ADGRL3: variants seen among roughly 807,000 people sequenced by gnomAD.
ADGRL3 encodes adhesion G protein-coupled receptor L3, also known as calcium-independent alpha-latrotoxin receptor 3.
ADGRL3 carries 62 observed loss-of-function variants against 153.5 expected under a neutral mutation model. That is an observed-to-expected ratio of 0.40 (90% CI 0.33 to 0.50). The LOEUF is 0.50. ADGRL3 is among the 20% of genes least tolerant of loss of function. ADGRL3 has a pLI of 0.47. For synonymous variants in ADGRL3, 710 were observed against 672.5 expected (o/e 1.06, Z -0.86); for missense variants, 1,641 against 1,859.4 (o/e 0.88, Z 2.16).
intron 9 of ADGRL3, among the ~76,000 whole-genome samples, chr4:61,833,514 G>A (rs970574272): frequency 3.3e-5 from 5 of 152,106 alleles, no homozygotes; most frequent in African/African-American, 1.2e-4. Context: ...TAAAATCATA[G>A]GGAGTCAAAG....
chr4:61,760,064 G>A (rs1215559643), intron 8 of ADGRL3, among the ~76,000 whole-genome samples: 3 of 152,178 alleles, frequency 2.0e-5, no homozygotes, highest in Non-Finnish European at 4.4e-5. Context: ...AGCCGTGTGA[G>A]GTGTCAGTCT....
chr4:61,847,854 T>TTA lies in ADGRL3; in HGVS notation c.1480+33972_1480+33973dup, dbSNP rs1303819781. Among the ~76,000 whole-genome samples the TTA allele has an allele frequency of 3.3e-4, 3 of 9,142 alleles. 1 individual carries two copies. Among genetic ancestry groups the TTA allele is most frequent in the Non-Finnish European group, 8.8e-4 (3 of 3,416 alleles). The allele number at this position is 9,142 out of a possible 152,430, so 6.0% of individuals were successfully genotyped here. A position where few individuals can be genotyped will look rare whatever the true frequency, so the allele number is the denominator to read the frequency against. ...AAATATATATATAATATAAAATATA[T>TTA]TATATATAATATAAAATATATTATA... On this transcript the variant is annotated intron_variant, in intron 9 of 26. Coordinates refer to ENST00000683033, the MANE Select transcript of ADGRL3 (RefSeq NM_001387552.1).
intron 21 of ADGRL3, among the ~76,000 whole-genome samples, chr4:62,017,014 A>G (rs2151324671): frequency 6.6e-6 from 1 of 152,152 alleles, no homozygotes; most frequent in East Asian, 1.9e-4. Context: ...AGAAAATATT[A>G]CTGATTTTTG....
rs1326917764 is a variant in ADGRL3 at position 61,370,528 on chromosome 4, A to G, written c.-239-12596A>G. On this transcript the variant is annotated intron_variant, in intron 1 of 26. Coordinates refer to ENST00000683033, the MANE Select transcript of ADGRL3 (RefSeq NM_001387552.1). ...GGAGCAGGTTGTTCAGTTTCCATGT[A>G]GTTGAGTGGTTTTGAGTGAGGTTCT... 3.3e-5 allele frequency among the ~76,000 whole-genome samples: 5 copies of G among 152,164 alleles called. No homozygotes were observed. The East Asian group carries it at 7.7e-4, about 24-fold the overall frequency.
chr4:61,822,791 G>T (rs2097767623), intron 9 of ADGRL3, among the ~76,000 whole-genome samples: 1 of 152,082 alleles, frequency 6.6e-6, no homozygotes, highest in East Asian at 1.9e-4. Flanking sequence ...ATTGAGAAGG[G>T]AAAAAGAATT....
Position 62,070,823 on chromosome 4 carries a change from A to G in ADGRL3, c.4547A>G (p.Asp1516Gly). ...TACCAGCTAGGTCGCGGCAGCAGTG[A>G]TGGATTTATAGTTCCTCCAAACAAA... is the stretch of plus-strand genomic sequence containing the variant. ...TYYQLGRGSS[D>G]GFIVPPNKDG... The change falls in exon 27 of 27, where the codon GAT (aspartate) becomes GGT (glycine). Residue 1516 changes from aspartate (D) to glycine (G), a missense_variant. Around this residue, in one of 5 missense-constraint regions of ADGRL3, gnomAD observed 517 missense variants for 555.0 expected, o/e 0.93. Transcript: ENST00000683033. 1.5e-5 allele frequency: 24 copies of G among 1,551,680 alleles called. No individual in the cohort carries two copies. The highest frequency in any genetic ancestry group is 2.1e-5 in the Non-Finnish European group (24 of 1,146,974).
At chr4:61,210,824 A>G (rs1739645850) in intron 1 of ADGRL3, among the ~76,000 whole-genome samples, 1 of 152,230 alleles carries the variant, frequency 6.6e-6, no homozygotes, top group Non-Finnish European at 1.5e-5. Context: ...TGTTAACACA[A>G]GGCATGTGTG....
At chr4:61,452,074 C>T (rs1390388957) in intron 2 of ADGRL3, among the ~76,000 whole-genome samples, 1 of 151,752 alleles carries the variant, frequency 6.6e-6, no homozygotes, top group East Asian at 1.9e-4. Flanking sequence ...TCCCCAGTTG[C>T]ATGGAGTGTG....
chr4:61,955,820 G>C (rs1217442805), intron 17 of ADGRL3, among the ~76,000 whole-genome samples: 1 of 152,006 alleles, frequency 6.6e-6, no homozygotes, highest in African/African-American at 2.4e-5. Flanking sequence ...GTTTGCTGAG[G>C]GTGATGTATT....
chr4:62,017,512 T>G (rs1346502045), intron 21 of ADGRL3, among the ~76,000 whole-genome samples: 1 of 151,946 alleles, frequency 6.6e-6, no homozygotes, highest in Non-Finnish European at 1.5e-5. Context: ...CTGTCTGGAA[T>G]AAATCTTAAT....
rs938475991 is a variant in ADGRL3, at chr4:62,074,738, T to C, written c.*3830T>C. 6 of 152,176 alleles carry C rather than the reference T, an allele frequency of 3.9e-5. No homozygotes were observed. Among genetic ancestry groups the C allele is most frequent in the Non-Finnish European group, 4.4e-5 (3 of 68,028 alleles). 9.4% of individuals were successfully genotyped at this position (152,176 alleles called of 1,614,324 possible). On this transcript the variant is annotated 3_prime_UTR_variant, in exon 27 of 27. Coordinates refer to ENST00000683033, the MANE Select transcript of ADGRL3 (RefSeq NM_001387552.1). ...ACATTGACTCTAAATTAAGATGTAG[T>C]TTATCATCTGTATTTTAAAATATCC... is the stretch of plus-strand genomic sequence containing the variant.
intron 13 of ADGRL3, among the ~76,000 whole-genome samples, chr4:61,915,910 GT>G (rs200193323): frequency 0.012 from 1,766 of 147,878 alleles, 30 homozygotes; most frequent in African/African-American, 0.041. Context: ...CATCATAATT[GT>G]TTTTTTTTTA....
At chr4:61,490,668 AAT>A (rs750333219) in intron 2 of ADGRL3, among the ~76,000 whole-genome samples, 74 of 149,124 alleles carry the variant, frequency 5.0e-4, no homozygotes, top group Admixed American at 1.8e-3. Context: ...ATACTTATTT[AAT>A]ATAAGGTTAT....
intron 9 of ADGRL3, among the ~76,000 whole-genome samples, chr4:61,848,192 G>A (rs529375167): frequency 5.2e-4 from 74 of 141,020 alleles, no homozygotes; most frequent in Non-Finnish European, 9.3e-4. Context: ...CTTTGTAAAC[G>A]TAATAGTTCT....
chr4:61,300,388 G>T (rs923952643), intron 1 of ADGRL3, among the ~76,000 whole-genome samples: 1 of 152,056 alleles, frequency 6.6e-6, no homozygotes, highest in Non-Finnish European at 1.5e-5. Context: ...TCTATTTTTT[G>T]AATAAATCAT....
intron 1 of ADGRL3, among the ~76,000 whole-genome samples, chr4:61,367,231 TTTTTTTTA>T (rs1434345171): frequency 1.3e-5 from 2 of 151,994 alleles, no homozygotes; most frequent in African/African-American, 4.8e-5. Flanking sequence ...ACTGTCGCTT[TTTTTTTTA>T]TTTTTTTATT....
chr4:61,945,490 T>C (rs1369779032), intron 15 of ADGRL3, among the ~76,000 whole-genome samples: 1 of 130,150 alleles, frequency 7.7e-6, no homozygotes, highest in African/African-American at 2.9e-5. Flanking sequence ...GGCTGCTTTG[T>C]TTACCTAAGC....
intron 8 of ADGRL3, among the ~76,000 whole-genome samples, chr4:61,742,912 C>A (rs1227351259): frequency 2.6e-5 from 4 of 152,044 alleles, no homozygotes; most frequent in African/African-American, 9.7e-5. Context: ...AAACTTTTTG[C>A]ATCTATTTAT....
chr4:61,805,193 C>T (rs535732075), intron 8 of ADGRL3, among the ~76,000 whole-genome samples: 1 of 152,170 alleles, frequency 6.6e-6, no homozygotes, highest in Admixed American at 6.5e-5. Flanking sequence ...CCGCCCGCCT[C>T]GGTCTCCCAA....
Sources: gnomAD v4.1 joint callset for allele counts (sites outside exome capture counted in the v4.1 genomes callset) on GRCh38, gnomAD v4.1.1 for gene constraint, gnomAD v4.1.1 regional missense constraint, MANE v1.5 for transcripts, NCBI Gene and HGNC (gene_info 2026-07-23, HGNC 2026-07-21) for gene names.